The following DLC1 variants were observed in gnomAD, a reference collection of about 807,000 sequenced individuals.
DLC1 encodes DLC1 Rho GTPase activating protein.
In DLC1, 54 loss-of-function variants were observed where a neutral mutation model predicts 140.3. The ratio of observed to expected loss-of-function variants is 0.38; its 90% CI spans 0.31 to 0.48. The LOEUF is 0.48. Among genes scored for constraint, DLC1 ranks in the 20% least tolerant of loss-of-function variants. The probability of loss-of-function intolerance (pLI) is 0.96; values close to 1 mark genes in which losing one functional copy is unlikely to be tolerated. For synonymous variants in DLC1, 986 were observed against 728.1 expected (o/e 1.35, Z -5.70); for missense variants, 2,536 against 1,907.0 (o/e 1.33, Z -6.14).
At chr8:13,378,561 A>G (rs540808795) in intron 4 of DLC1, among the ~76,000 whole-genome samples, 13 of 152,286 alleles carry the variant, frequency 8.5e-5, no homozygotes, top group African/African-American at 2.9e-4. Flanking sequence ...CAGATACTAT[A>G]TACATATTTA....
chr8:13,374,303 C>CT (rs201527897), intron 4 of DLC1, among the ~76,000 whole-genome samples: 3 of 106,382 alleles, frequency 2.8e-5, no homozygotes, highest in Non-Finnish European at 5.6e-5. Flanking sequence ...ATCTCAAATT[C>CT]TTTTTTTTTA....
At chr8:13,252,121 G>A (rs1166919643) in intron 5 of DLC1, among the ~76,000 whole-genome samples, 1 of 152,042 alleles carries the variant, frequency 6.6e-6, no homozygotes, top group Admixed American at 6.6e-5. Flanking sequence ...CTCTAATTTT[G>A]TCATTGAACT....
intron 1 of DLC1, among the ~76,000 whole-genome samples, chr8:13,566,601 C>T (rs1279963661): frequency 6.6e-6 from 1 of 152,276 alleles, no homozygotes; most frequent in East Asian, 1.9e-4. Context: ...TGTCACAGGC[C>T]ACCTAACTCT....
intron 1 of DLC1, among the ~76,000 whole-genome samples, chr8:13,587,490 C>A (rs960701101): frequency 2.0e-5 from 3 of 150,590 alleles, no homozygotes; most frequent in African/African-American, 7.3e-5. Flanking sequence ...ATCTGAACCA[C>A]TGGTGTGTTT....
At chr8:13,230,896 C>T (rs549559766) in intron 5 of DLC1, among the ~76,000 whole-genome samples, 6 of 151,944 alleles carry the variant, frequency 3.9e-5, no homozygotes, top group Non-Finnish European at 8.8e-5. Context: ...TGCAGCTGGC[C>T]CAGATATAGA....
chr8:13,123,249 C>G lies in DLC1; in HGVS notation c.1349-7592G>C, dbSNP rs556305575. ...CCTAACAATGTCCCACATGTCCTGG[C>G]CCCTGTCAGGACCCTGCCTGCCTCT... On this transcript the variant is annotated intron_variant, in intron 5 of 17. Coordinates refer to ENST00000276297, the MANE Select transcript of DLC1 (RefSeq NM_182643.3). Among the ~76,000 whole-genome samples, 40 of 152,248 alleles carry G rather than the reference C, an allele frequency of 2.6e-4. No homozygotes were observed. The South Asian group carries it at 3.1e-3, about 12-fold the overall frequency.
chr8:13,304,919 G>A (rs533585103), intron 5 of DLC1: 1 of 1,003,914 alleles, frequency 1.0e-6, no homozygotes, highest in African/African-American at 1.7e-5. Flanking sequence ...AAGTCATTAA[G>A]AGTAAAAATA....
At chr8:13,337,108 A>G (rs555037327) in intron 4 of DLC1, among the ~76,000 whole-genome samples, 32 of 152,314 alleles carry the variant, frequency 2.1e-4, no homozygotes, top group African/African-American at 7.7e-4. Context: ...CAATGCCTTT[A>G]GCATAGACGT....
chr8:13,322,292 A>G (rs1417724434), intron 4 of DLC1, among the ~76,000 whole-genome samples: 2 of 152,222 alleles, frequency 1.3e-5, no homozygotes, highest in Non-Finnish European at 2.9e-5. Flanking sequence ...TTGCTAAAAT[A>G]AACAAATAAT....
intron 1 of DLC1, among the ~76,000 whole-genome samples, chr8:13,537,259 G>A (rs987674618): frequency 2.0e-5 from 3 of 152,142 alleles, no homozygotes; most frequent in African/African-American, 7.2e-5. Flanking sequence ...CAAGAATCAC[G>A]TTTTGTAGTT....
intron 1 of DLC1, among the ~76,000 whole-genome samples, chr8:13,523,883 T>G (rs999549383): frequency 4.0e-5 from 6 of 151,824 alleles, no homozygotes; most frequent in Non-Finnish European, 8.8e-5. Flanking sequence ...ATATGGTATG[T>G]TCCCAAGGGG....
chr8:13,112,438 A>T (rs189469766), intron 6 of DLC1, among the ~76,000 whole-genome samples: 66 of 152,292 alleles, frequency 4.3e-4, no homozygotes, highest in African/African-American at 1.5e-3. Context: ...CTACAGTTGG[A>T]TTACTGACAT....
intron 2 of DLC1, among the ~76,000 whole-genome samples, chr8:13,496,012 A>C (rs1344844508): frequency 6.6e-6 from 1 of 152,206 alleles, no homozygotes; most frequent in Non-Finnish European, 1.5e-5. Context: ...TATTAGCCTT[A>C]ATTGATTTCA....
intron 5 of DLC1, among the ~76,000 whole-genome samples, chr8:13,202,477 T>A (rs1008510035): frequency 6.6e-6 from 1 of 152,184 alleles, no homozygotes; most frequent in African/African-American, 2.4e-5. Flanking sequence ...ACTGGGTCTT[T>A]ATTCTCCAGA....
intron 5 of DLC1, among the ~76,000 whole-genome samples, chr8:13,158,605 A>T (rs1490180250): frequency 6.6e-6 from 1 of 152,098 alleles, no homozygotes; most frequent in Non-Finnish European, 1.5e-5. Context: ...CCATAGTGAA[A>T]TCTGGAACAT....
intron 16 of DLC1, among the ~76,000 whole-genome samples, chr8:13,087,584 T>C (rs1412436046): frequency 6.6e-6 from 1 of 152,244 alleles, no homozygotes; most frequent in East Asian, 1.9e-4. Context: ...AGGAACTCTG[T>C]ACAGAGCCGT....
chr8:13,175,470 A>G (rs1825708723), intron 5 of DLC1, among the ~76,000 whole-genome samples: 1 of 152,118 alleles, frequency 6.6e-6, no homozygotes, highest in Admixed American at 6.5e-5. Context: ...AACATTGCAG[A>G]TAGATGTTTA....
intron 4 of DLC1, among the ~76,000 whole-genome samples, chr8:13,387,049 A>C (rs1298816197): frequency 6.6e-6 from 1 of 152,080 alleles, no homozygotes; most frequent in Non-Finnish European, 1.5e-5. Context: ...AACTGTATTA[A>C]TTCAAATTTT....
chr8:13,136,265 G>A (rs1359039927), intron 5 of DLC1, among the ~76,000 whole-genome samples: 3 of 152,102 alleles, frequency 2.0e-5, no homozygotes, highest in Non-Finnish European at 2.9e-5. Flanking sequence ...TTTGGGGTAC[G>A]ATTGGTTCAG....
Sources: allele counts gnomAD v4.1 joint callset (sites outside exome capture counted in the v4.1 genomes callset), GRCh38; gene constraint gnomAD v4.1.1; transcripts MANE v1.5; gene names NCBI Gene and HGNC (gene_info 2026-07-23, HGNC 2026-07-21).